NLGN1: variants seen among roughly 807,000 people sequenced by gnomAD.
The protein encoded by NLGN1 is neuroligin 1.
NLGN1 carries 12 observed loss-of-function variants against 65.5 expected under a neutral mutation model. The observed-to-expected ratio is 0.18, with a 90% CI of 0.12 to 0.30. The LOEUF (loss-of-function observed/expected upper bound fraction) is 0.30. NLGN1 is among the 10% of genes least tolerant of loss of function. The probability of loss-of-function intolerance (pLI) is 1.00; values close to 1 mark genes in which losing one functional copy is unlikely to be tolerated. For synonymous variants in NLGN1, 350 were observed against 359.5 expected (o/e 0.97, Z 0.30); for missense variants, 750 against 1,007.1 (o/e 0.74, Z 3.46).
chr3:173,527,598 C>T (rs1217949909), intron 2 of NLGN1, among the ~76,000 whole-genome samples: 1 of 152,166 alleles, frequency 6.6e-6, no homozygotes, highest in African/African-American at 2.4e-5. Flanking sequence ...AAAGTTTCAC[C>T]ATGTTAGCCA....
intron 4 of NLGN1, among the ~76,000 whole-genome samples, chr3:173,863,133 A>AT (rs915204039): frequency 1.3e-5 from 2 of 151,524 alleles, no homozygotes; most frequent in South Asian, 2.1e-4. Flanking sequence ...GCGATGGCTG[A>AT]TAAAAAAAAA....
intron 4 of NLGN1, among the ~76,000 whole-genome samples, chr3:173,836,505 G>A (rs1723660197): frequency 6.6e-6 from 1 of 152,090 alleles, no homozygotes. Context: ...AGAGAAAAAT[G>A]TATAAAATCC....
intron 4 of NLGN1, among the ~76,000 whole-genome samples, chr3:173,899,486 G>T (rs2152167774): frequency 1.3e-5 from 2 of 152,148 alleles, no homozygotes; most frequent in South Asian, 4.1e-4. Flanking sequence ...TTAAACAAGG[G>T]CTTGGCAAAC....
intron 4 of NLGN1, among the ~76,000 whole-genome samples, chr3:174,023,150 C>T (rs1728114379): frequency 6.6e-6 from 1 of 152,144 alleles, no homozygotes; most frequent in African/African-American, 2.4e-5. Context: ...TGCTACCTCT[C>T]ATGTCCCTGC....
chr3:173,963,462 G>T lies in NLGN1; in HGVS notation c.646+155630G>T, dbSNP rs76668349. Among the ~76,000 whole-genome samples, 5 of 152,142 alleles carry T rather than the reference G, an allele frequency of 3.3e-5. No homozygotes were observed. The East Asian group carries it at 9.7e-4, about 29-fold the overall frequency. ...GGAAATTTCCAGAATCTGCCTACCCGTTCTATGTACGGATCTGGAATTCAG... is the reference window on the plus strand; with the variant it reads ...GGAAATTTCCAGAATCTGCCTACCCTTTCTATGTACGGATCTGGAATTCAG... On this transcript the variant is annotated intron_variant, in intron 4 of 6. Coordinates refer to ENST00000457714, the Ensembl canonical transcript of NLGN1.
chr3:174,029,418 G>A (rs1328301628), intron 4 of NLGN1, among the ~76,000 whole-genome samples: 1 of 152,156 alleles, frequency 6.6e-6, no homozygotes, highest in Non-Finnish European at 1.5e-5. Flanking sequence ...CTTTGTTTTG[G>A]CCAATTTCTC....
rs371813944 is a variant in NLGN1 at position 174,130,247 on chromosome 3, A to C, written c.647-145068A>C. 2.0e-4 allele frequency among the ~76,000 whole-genome samples: 30 copies of C among 152,162 alleles called. 1 individual carries two copies. The East Asian group carries it at 4.1e-3, about 21-fold the overall frequency. On this transcript the variant is annotated intron_variant, in intron 4 of 6. Coordinates refer to ENST00000457714, the Ensembl canonical transcript of NLGN1. ...AAATTAGCTGGGTGTGGTGGCAGGC[A>C]CCTGTAATCCCAGCTACTCGGGAGG... is the stretch of plus-strand genomic sequence containing the variant.
chr3:173,804,871 G>T (rs937981524), intron 3 of NLGN1, among the ~76,000 whole-genome samples: 3 of 151,780 alleles, frequency 2.0e-5, no homozygotes, highest in Non-Finnish European at 4.4e-5. Flanking sequence ...CACTAAAAAT[G>T]CAAAATTAGC....
intron 4 of NLGN1, among the ~76,000 whole-genome samples, chr3:173,933,529 A>T (rs1395303023): frequency 1.3e-5 from 2 of 152,270 alleles, no homozygotes; most frequent in African/African-American, 4.8e-5. Flanking sequence ...GGTATCTGAG[A>T]CACAGTTTAT....
At chr3:174,018,224 G>A (rs146024787) in intron 4 of NLGN1, among the ~76,000 whole-genome samples, 1 of 152,204 alleles carries the variant, frequency 6.6e-6, no homozygotes, top group Non-Finnish European at 1.5e-5. Flanking sequence ...GAACATCACT[G>A]TTATCCTGTT....
chr3:173,716,631 G>A (rs1007684681), intron 3 of NLGN1, among the ~76,000 whole-genome samples: 2 of 152,204 alleles, frequency 1.3e-5, no homozygotes, highest in African/African-American at 2.4e-5. Context: ...CAGCTTCAGC[G>A]AGACACCCAA....
At chr3:174,046,484 T>C (rs975878904) in intron 4 of NLGN1, among the ~76,000 whole-genome samples, 1 of 152,106 alleles carries the variant, frequency 6.6e-6, no homozygotes, top group Admixed American at 6.6e-5. Context: ...CTCTTGATCT[T>C]GCAAGCACAA....
At chr3:173,587,171 ATGTGCC>A (rs935270608) in intron 2 of NLGN1, among the ~76,000 whole-genome samples, 3 of 152,232 alleles carry the variant, frequency 2.0e-5, no homozygotes, top group Non-Finnish European at 4.4e-5. Context: ...ACTTAACTGA[ATGTGCC>A]TTTGTAGTGC....
At chr3:174,105,994 A>G (rs2077949) in intron 4 of NLGN1, among the ~76,000 whole-genome samples, 15,650 of 152,096 alleles carry the variant, frequency 0.1, 1,157 homozygotes, top group African/African-American at 0.19. Context: ...AATTACCATC[A>G]ATTGAGAATC....
intron 4 of NLGN1, among the ~76,000 whole-genome samples, chr3:173,861,579 TAC>T (rs1180212067): frequency 6.7e-6 from 1 of 149,678 alleles, no homozygotes; most frequent in African/African-American, 2.5e-5. Context: ...CACATATATA[TAC>T]ACACACATAT....
intron 4 of NLGN1, among the ~76,000 whole-genome samples, chr3:174,248,982 G>T (rs576554455): frequency 6.6e-6 from 1 of 152,108 alleles, no homozygotes; most frequent in Non-Finnish European, 1.5e-5. Flanking sequence ...CAGGAAATCT[G>T]CGATGCTGCT....
intron 4 of NLGN1, among the ~76,000 whole-genome samples, chr3:174,158,846 C>A (rs1159969345): frequency 6.6e-6 from 1 of 151,576 alleles, no homozygotes; most frequent in Non-Finnish European, 1.5e-5. Context: ...CTGAACTCCA[C>A]CTTGTTATCC....
At chr3:173,775,128 A>T (rs1780117199) in intron 3 of NLGN1, among the ~76,000 whole-genome samples, 3 of 152,132 alleles carry the variant, frequency 2.0e-5, no homozygotes, top group Non-Finnish European at 4.4e-5. Context: ...AGTACAATCA[A>T]ATATGCTTCT....
intron 3 of NLGN1, among the ~76,000 whole-genome samples, chr3:173,675,887 T>TCTCTCTCTCACACACACACA (rs756157881): frequency 6.5e-5 from 9 of 138,642 alleles, no homozygotes; most frequent in African/African-American, 2.5e-4. Flanking sequence ...TCTCTCTCTC[T>TCTCTCTCTCACACACACACA]CACACACACA....
Sources: gnomAD v4.1 joint callset for allele counts (sites outside exome capture counted in the v4.1 genomes callset) on GRCh38, gnomAD v4.1.1 for gene constraint, MANE v1.5 for transcripts, NCBI Gene and HGNC (gene_info 2026-07-23, HGNC 2026-07-21) for gene names.